The following SEMA6C variants were observed in gnomAD, a reference collection of about 807,000 sequenced individuals.
SEMA6C encodes semaphorin 6C, also known as semaphorin-6C.
SEMA6C carries 37 observed loss-of-function variants against 72.9 expected under a neutral mutation model. That is an observed-to-expected ratio of 0.51 (90% CI 0.39 to 0.67). The LOEUF (loss-of-function observed/expected upper bound fraction) is 0.67. Ranked by LOEUF, SEMA6C falls within the 30% of genes least tolerant of loss-of-function variation. The probability of loss-of-function intolerance (pLI) is 0.00; values close to 1 mark genes in which losing one functional copy is unlikely to be tolerated. For synonymous variants in SEMA6C, 578 were observed against 554.1 expected, an observed-to-expected ratio of 1.04 and a Z score of -0.61; for missense variants, 1,189 against 1,263.6, an observed-to-expected ratio of 0.94 and a Z score of 0.89.
At chr1:151,140,761 G>A (rs1310166710) in intron 3 of SEMA6C, among the ~76,000 whole-genome samples, 2 of 152,162 alleles carry the variant, frequency 1.3e-5, no homozygotes, top group East Asian at 1.9e-4. Flanking sequence ...TTGGGAGGCC[G>A]AGGCGGGCGG....
Position 151,133,160 on chromosome 1 carries a change from T to A in SEMA6C, c.2117A>T (p.Glu706Val). ...GGCGCGGAGGTGCTTGACCGGCAGC[T>A]CCGGCGTGGACTCGGGGGTGGGCAG... Reference protein sequence around the residue: ...ACLPTPESTPELPVKHLRAAG... With the variant: ...ACLPTPESTPVLPVKHLRAAG... The change falls in exon 19 of 19, where the codon GAG becomes GTG. Residue 706 changes from glutamate to valine, a missense_variant. Around this residue, in one of 2 missense-constraint regions of SEMA6C, gnomAD observed 721 missense variants for 686.2 expected, o/e 1.05. Transcript: ENST00000368914. This position sits in a 1 kb window ranked among gnomAD's most constrained non-coding sequence, Gnocchi z 5.9. The A allele has an allele frequency of 6.4e-7, 1 of 1,551,570 alleles. No individual in the cohort carries two copies. The highest frequency in any genetic ancestry group is 8.6e-7 in the Non-Finnish European group (1 of 1,162,186).
At chr1:151,139,404 C>A (rs1438293030) in intron 6 of SEMA6C, 21 bp downstream of exon 6, 2 of 1,607,286 alleles carry the variant, frequency 1.2e-6, no homozygotes. Flanking sequence ...CTTCCCTCCA[C>A]ATTCTCGTCT....
rs1345717495 is a variant in SEMA6C at position 151,132,929 on chromosome 1, C to T, written c.2348G>A (p.Gly783Glu). The T allele has an allele frequency of 1.4e-6, 2 of 1,394,246 alleles. No homozygotes were observed. The highest frequency in any genetic ancestry group is 3.6e-5 in the East Asian group (1 of 27,598). The allele number at this position is 1,394,246 out of a possible 1,614,324, so 86.4% of individuals were successfully genotyped here. A position where few individuals can be genotyped will look rare whatever the true frequency, so the allele number is the denominator to read the frequency against. Residue 783 changes from glycine (G) to glutamate (E), a missense_variant, in exon 19 of 19, where the codon GGG becomes GAG. This residue lies in a region of SEMA6C where 721 missense variants were observed against 686.2 expected (regional missense o/e 1.05). Coordinates refer to ENST00000368914, the MANE Select transcript of SEMA6C (RefSeq NM_030913.6). ...GGTTAAAGGGGCGGGGGGCTCGGCC[C>T]CCTTTCTGGGCGGCTGCGGGCCGTG... is the stretch of plus-strand genomic sequence containing the variant. Reference protein sequence around the residue: ...YLHGPQPPRKGAEPPAPLTSR... With the variant: ...YLHGPQPPRKEAEPPAPLTSR...
Position 151,132,694 on chromosome 1 carries a change from A to G in SEMA6C, c.2583T>C (p.Pro861=). The G allele has an allele frequency of 6.7e-7, 1 of 1,502,856 alleles. No homozygotes were observed. Among genetic ancestry groups the G allele is most frequent in the Non-Finnish European group, 8.9e-7 (1 of 1,124,552 alleles). The allele number at this position is 1,502,856 out of a possible 1,614,324, so 93.1% of individuals were successfully genotyped here. A position where few individuals can be genotyped will look rare whatever the true frequency, so the allele number is the denominator to read the frequency against. Residue 861 remains proline (P), a synonymous_variant, in exon 19 of 19, where the codon CCT becomes CCC. Transcript: ENST00000368914. ...CCGAGGGGACTCGAGTGAGCAGGGC[A>G]GGGGGGGCCCGGTGGCCGGAGAAAG... ...RLPFSGHRAP[P]ALLTRVPSGG... is the part of the protein sequence containing the mutation.
chr1:151,136,884 A>C lies in SEMA6C; in HGVS notation c.947T>G (p.Phe316Cys). Residue 316 changes from phenylalanine to cysteine, a missense_variant, in exon 11 of 19, where the codon TTT becomes TGT. By Grantham distance (205) the Phe-to-Cys change is radical (BLOSUM62 -2). Coordinates refer to ENST00000368914, the MANE Select transcript of SEMA6C (RefSeq NM_030913.6). ...ATTGGTCTGGGTGGTGAAGACCCCAAAGAGAGCAGAGCGGCCATGCAGGTT... is the reference window on the plus strand; with the variant it reads ...ATTGGTCTGGGTGGTGAAGACCCCACAGAGAGCAGAGCGGCCATGCAGGTT... ...PVNLHGRSAL[F>C]GVFTTQTNSI... 1 of 1,614,000 alleles carries C rather than the reference A, an allele frequency of 6.2e-7. No individual in the cohort carries two copies. Among genetic ancestry groups the C allele is most frequent in the Non-Finnish European group, 8.5e-7 (1 of 1,180,016 alleles).
rs149542698 is a variant in SEMA6C at position 151,135,307 on chromosome 1, C to T, written c.1436G>A (p.Cys479Tyr). ...TGTTTGGGCTGTCCGCTTCCCACTGCACCTAGGGTGAGGCCAGAAGGAACC... is the reference window on the plus strand; with the variant it reads ...TGTTTGGGCTGTCCGCTTCCCACTGTACCTAGGGTGAGGCCAGAAGGAACC... ...EEIDAYSPAR[C>Y]SGKRTAQTAR... The change falls in exon 15 of 19, where the codon TGC becomes TAC. Residue 479 changes from cysteine to tyrosine, a missense_variant and splice_region_variant. Cys to Tyr is a radical substitution (Grantham distance 194). Coordinates refer to ENST00000368914, the MANE Select transcript of SEMA6C (RefSeq NM_030913.6). The T allele has an allele frequency of 1.1e-5, 18 of 1,612,944 alleles. No individual in the cohort carries two copies. The highest frequency in any genetic ancestry group is 1.5e-5 in the Non-Finnish European group (18 of 1,179,428).
rs751946867 is a variant in SEMA6C, at chr1:151,140,109, T to C, written c.119-19A>G. 2 of 1,603,326 alleles carry C rather than the reference T, an allele frequency of 1.2e-6. No homozygotes were observed. The highest frequency in any genetic ancestry group is 2.2e-5 in the South Asian group (2 of 90,122). On this transcript the variant is annotated intron_variant, in intron 3 of 18. Transcript: ENST00000368914. The stretch of plus-strand genomic sequence containing the variant: ...GAAGTACCTTGAGGACACAGAGAGA[T>C]AGGATTCTGAGGATACCACAAACTT...
chr1:151,136,373 ACCT>A (rs928652018), intron 12 of SEMA6C, 72 bp downstream of exon 12: 11 of 1,568,700 alleles, frequency 7.0e-6, no homozygotes, highest in Non-Finnish European at 9.5e-6. Flanking sequence ...ACATCTCATT[ACCT>A]CCTCACAATC....
At chr1:151,134,730 T>A (rs919841099) in intron 16 of SEMA6C, 55 bp from the exon 17 acceptor site, 3 of 1,612,582 alleles carry the variant, frequency 1.9e-6, no homozygotes, top group Non-Finnish European at 1.7e-6. Context: ...TATCTCCCAC[T>A]CTGGCCCTCA....
intron 10 of SEMA6C, among the ~76,000 whole-genome samples, chr1:151,137,412 C>CCGCAG (rs1682128617): frequency 7.3e-6 from 1 of 137,574 alleles, no homozygotes; most frequent in Non-Finnish European, 1.5e-5. Context: ...CGCCACTGCA[C>CCGCAG]TCCAGCCTGG....
chr1:151,135,289 G>T lies in SEMA6C; in HGVS notation c.1454C>A (p.Ala485Asp), dbSNP rs1572026287. Reference protein sequence around the residue: ...SPARCSGKRTAQTARRIIGLE... With the variant: ...SPARCSGKRTDQTARRIIGLE... ...CCCTATGATCCGTCGTGCTGTTTGGGCTGTCCGCTTCCCACTGCACCTAGG... is the reference window on the plus strand; with the variant it reads ...CCCTATGATCCGTCGTGCTGTTTGGTCTGTCCGCTTCCCACTGCACCTAGG... The change falls in exon 15 of 19, where the codon GCC (alanine) becomes GAC (aspartate). Residue 485 changes from alanine to aspartate, a missense_variant. Transcript: ENST00000368914. The T allele has an allele frequency of 6.8e-6, 11 of 1,614,040 alleles. No homozygotes were observed. In the East Asian group the frequency reaches 2.5e-4, roughly 36 times the overall value.
rs1200129926 is a variant in SEMA6C, at chr1:151,133,750, TC to T, written c.1760-234del. Among the ~76,000 whole-genome samples, 1 of 151,834 alleles carries T rather than the reference TC, an allele frequency of 6.6e-6. No individual in the cohort carries two copies. The highest frequency in any genetic ancestry group is 1.5e-5 in the Non-Finnish European group (1 of 67,940). ...AGAGCTTGGGCCTGGGGATTCCCCATCCCACTTCTGGCCCCTGTAGCCATGC... is the reference window on the plus strand; with the variant it reads ...AGAGCTTGGGCCTGGGGATTCCCCATCCACTTCTGGCCCCTGTAGCCATGC... On this transcript the variant is annotated intron_variant, in intron 18 of 18. Coordinates refer to ENST00000368914, the MANE Select transcript of SEMA6C (RefSeq NM_030913.6). This position sits in a 1 kb window ranked among gnomAD's most constrained non-coding sequence, Gnocchi z 5.9.
intron 14 of SEMA6C, 41 bp downstream of exon 14, chr1:151,135,550 C>T (rs371500025): frequency 2.4e-5 from 38 of 1,581,946 alleles, no homozygotes; most frequent in Non-Finnish European, 3.3e-5. Context: ...CCTCCCATCC[C>T]CTCCCTGCTT....
chr1:151,141,871 C>T (rs1340341102), intron 3 of SEMA6C, among the ~76,000 whole-genome samples: 2 of 151,874 alleles, frequency 1.3e-5, no homozygotes, highest in African/African-American at 4.8e-5. Context: ...GATCTTCCTG[C>T]CTCAGCCTCC....
Position 151,137,819 on chromosome 1 carries a change from GA to G in SEMA6C, c.668-21del. ...GTGGCTCTAAGATGGGGAATGACAG[GA>G]AAGGGTATAGAAGAGTATCTGTACC... On this transcript the variant is annotated intron_variant, in intron 9 of 18. Coordinates refer to ENST00000368914, the MANE Select transcript of SEMA6C (RefSeq NM_030913.6). The G allele has an allele frequency of 6.2e-7, 1 of 1,610,930 alleles. No individual in the cohort carries two copies. The highest frequency in any genetic ancestry group is 8.5e-7 in the Non-Finnish European group (1 of 1,177,718).
chr1:151,134,166 C>T, intron 18 of SEMA6C: 2 of 839,742 alleles, frequency 2.4e-6, no homozygotes, highest in Non-Finnish European at 3.7e-6. Flanking sequence ...GAACGCCAGC[C>T]TCTAGTTTCT....
chr1:151,139,483 T>G lies in SEMA6C; in HGVS notation c.298-2A>C, dbSNP rs1682348198. 6.2e-7 allele frequency: 1 copy of G among 1,613,882 alleles called. No individual in the cohort carries two copies. The highest frequency in any genetic ancestry group is 1.7e-5 in the Admixed American group (1 of 60,000). On this transcript the variant is annotated splice_acceptor_variant, in intron 5 of 18. Transcript: ENST00000368914. LOFTEE classifies it high-confidence loss of function. ...ATCTTGGCTTCTCCATGTTAGATAC[T>G]GAAGGGATAAGTTGAAGAGGGAAAA...
chr1:151,131,915 T>G lies in SEMA6C; in HGVS notation c.*569A>C, dbSNP rs1409394967. 1 of 216,266 alleles carries G rather than the reference T, an allele frequency of 4.6e-6. No individual in the cohort carries two copies. The highest frequency in any genetic ancestry group is 2.4e-5 in the African/African-American group (1 of 41,920). The allele number at this position is 216,266 out of a possible 1,614,324, so 13.4% of individuals were successfully genotyped here. A position where few individuals can be genotyped will look rare whatever the true frequency, so the allele number is the denominator to read the frequency against. ...TCGCTCGTCTCCTTTAGGAAACCTT[T>G]CCAGACTGCCCCCCGGCGGGACCGC... is the stretch of plus-strand genomic sequence containing the variant. On this transcript the variant is annotated 3_prime_UTR_variant, in exon 19 of 19. Coordinates refer to ENST00000368914, the MANE Select transcript of SEMA6C (RefSeq NM_030913.6).
At chr1:151,140,861 G>A (rs969155618) in intron 3 of SEMA6C, among the ~76,000 whole-genome samples, 1 of 152,128 alleles carries the variant, frequency 6.6e-6, no homozygotes, top group South Asian at 2.1e-4. Context: ...AGCCAGGCGT[G>A]GTGGCGGGCG....
Sources: allele counts gnomAD v4.1 joint callset (sites outside exome capture counted in the v4.1 genomes callset), GRCh38; gene constraint gnomAD v4.1.1; regional missense constraint gnomAD v4.1.1; non-coding constraint Gnocchi (gnomAD v3.1); transcripts MANE v1.5; gene names NCBI Gene and HGNC (gene_info 2026-07-23, HGNC 2026-07-21).